BRIP1: variants seen among roughly 807,000 people sequenced by gnomAD.
BRIP1 encodes BRCA1 interacting DNA helicase 1, also known as Fanconi anemia group J protein.
BRIP1 carries 88 observed loss-of-function variants against 119.7 expected under a neutral mutation model. The observed-to-expected ratio is 0.74, with a 90% confidence interval of 0.62 to 0.88. The LOEUF (loss-of-function observed/expected upper bound fraction) is 0.88. BRIP1 is among the 40% of genes least tolerant of loss of function. The probability of loss-of-function intolerance (pLI) is 0.00; values close to 1 mark genes in which losing one functional copy is unlikely to be tolerated. For synonymous variants in BRIP1, 443 were observed against 496.5 expected (o/e 0.89, Z 1.43); for missense variants, 1,259 against 1,455.4 (o/e 0.87, Z 2.20).
chr17:61,681,235 C>T lies in BRIP1; in HGVS notation c.*2061G>A, dbSNP rs905091837. On this transcript the variant is annotated 3_prime_UTR_variant, in exon 20 of 20. Coordinates refer to ENST00000259008, the MANE Select transcript of BRIP1 (RefSeq NM_032043.3). This position sits in a 1 kb window ranked among gnomAD's most constrained non-coding sequence, Gnocchi z 5.1. Reference sequence around the variant, plus strand: ...GGACATAGCCAAACCACGTCACCATCGTTCCCTAAATGTAAATGAGTAAGA... The same window carrying T: ...GGACATAGCCAAACCACGTCACCATTGTTCCCTAAATGTAAATGAGTAAGA... The T allele has an allele frequency of 2.5e-5, 5 of 201,490 alleles. No homozygotes were observed. The highest frequency in any genetic ancestry group is 1.1e-4 in the African/African-American group (5 of 43,502). The allele number at this position is 201,490 out of a possible 1,614,324, so 12.5% of individuals were successfully genotyped here. A position where few individuals can be genotyped will look rare whatever the true frequency, so the allele number is the denominator to read the frequency against.
chr17:61,693,193 G>A lies in BRIP1; in HGVS notation c.2575+237C>T, dbSNP rs1460367929. On this transcript the variant is annotated intron_variant, in intron 18 of 19. Transcript: ENST00000259008. The surrounding 1 kb of genome is among the most constrained non-coding windows in gnomAD (Gnocchi z 4.2). Reference sequence around the variant, plus strand: ...TAATAGAAGCAGAAAGTATAGCGGTGGTTGTCAGTGGACAGGGGGGAGAGG... The same window carrying A: ...TAATAGAAGCAGAAAGTATAGCGGTAGTTGTCAGTGGACAGGGGGGAGAGG... 6.6e-6 allele frequency among the ~76,000 whole-genome samples: 1 copy of A among 152,124 alleles called. No homozygotes were observed. The highest frequency in any genetic ancestry group is 2.4e-5 in the African/African-American group (1 of 41,432).
rs1380130297 is a variant in BRIP1 at position 61,793,853 on chromosome 17, A to T, written c.1341-124T>A. The stretch of plus-strand genomic sequence containing the variant: ...TATATCTTGACATTCTTAGGACATG[A>T]ATGTGGATTAATTAAGACACCTTTT... On this transcript the variant is annotated intron_variant, in intron 9 of 19. Transcript: ENST00000259008. This position sits in a 1 kb window ranked among gnomAD's most constrained non-coding sequence, Gnocchi z 5.2. 4 of 959,756 alleles carry T rather than the reference A, an allele frequency of 4.2e-6. No homozygotes were observed. In the African/African-American group the frequency reaches 6.7e-5, roughly 16 times the overall value. The allele number at this position is 959,756 out of a possible 1,614,324, so 59.5% of individuals were successfully genotyped here. A position where few individuals can be genotyped will look rare whatever the true frequency, so the allele number is the denominator to read the frequency against.
chr17:61,747,887 C>T (rs549602262), intron 14 of BRIP1, among the ~76,000 whole-genome samples: 1 of 151,200 alleles, frequency 6.6e-6, no homozygotes, highest in African/African-American at 2.4e-5. Flanking sequence ...AGGCATGAGC[C>T]ACCATGCCCT....
chr17:61,763,445 G>A (rs1392322045), intron 14 of BRIP1, among the ~76,000 whole-genome samples: 1 of 152,082 alleles, frequency 6.6e-6, no homozygotes, highest in African/African-American at 2.4e-5. Flanking sequence ...GCTGCTATCT[G>A]TAGAATCTTT....
At chr17:61,819,986 T>C (rs778744708) in intron 6 of BRIP1, among the ~76,000 whole-genome samples, 1 of 151,610 alleles carries the variant, frequency 6.6e-6, no homozygotes, top group Non-Finnish European at 1.5e-5. Flanking sequence ...AAATGTCTCA[T>C]GTACTTCATA....
chr17:61,746,809 G>A lies in BRIP1; in HGVS notation c.2098-2218C>T, dbSNP rs763275869. ...CCAAACAGAAGATCAACAAGGAAACGGAACTTGAACAATACTAGAGACCAG... is the reference window on the plus strand; with the variant it reads ...CCAAACAGAAGATCAACAAGGAAACAGAACTTGAACAATACTAGAGACCAG... On this transcript the variant is annotated intron_variant, in intron 14 of 19. Coordinates refer to ENST00000259008, the MANE Select transcript of BRIP1 (RefSeq NM_032043.3). This position sits in a 1 kb window ranked among gnomAD's most constrained non-coding sequence, Gnocchi z 4.9. Among the ~76,000 whole-genome samples, 2 of 151,912 alleles carry A rather than the reference G, an allele frequency of 1.3e-5. No individual in the cohort carries two copies. The highest frequency in any genetic ancestry group is 2.9e-5 in the Non-Finnish European group (2 of 67,930).
At position 61,803,373 on chromosome 17, in the gene BRIP1, C is replaced by T. The variant is rs1291319563; in HGVS notation, c.919-1899G>A. On this transcript the variant is annotated intron_variant, in intron 7 of 19. Transcript: ENST00000259008. This position sits in a 1 kb window ranked among gnomAD's most constrained non-coding sequence, Gnocchi z 4.3. Reference sequence around the variant, plus strand: ...TGCTGGGGATTACAGGCATGAGCCACTGCACTCCACCCCATTCTATCACTG... The same window carrying T: ...TGCTGGGGATTACAGGCATGAGCCATTGCACTCCACCCCATTCTATCACTG... Among the ~76,000 whole-genome samples the T allele has an allele frequency of 2.6e-5, 4 of 152,182 alleles. No individual in the cohort carries two copies. Among genetic ancestry groups the T allele is most frequent in the Admixed American group, 6.5e-5 (1 of 15,282 alleles).
rs1238145274 is a variant in BRIP1, at chr17:61,859,983, AGAACAGC to A, written c.94-83_94-77del. On this transcript the variant is annotated intron_variant, in intron 2 of 19. Coordinates refer to ENST00000259008, the MANE Select transcript of BRIP1 (RefSeq NM_032043.3). Reference sequence around the variant, plus strand: ...GTCTCTCTCCATCTGAAGTTTAAATAGAACAGCAAGGAAAAGTGAGATTGCACTCCAG... The same window carrying A: ...GTCTCTCTCCATCTGAAGTTTAAATAAAGGAAAAGTGAGATTGCACTCCAG... 18 of 1,020,008 alleles carry A rather than the reference AGAACAGC, an allele frequency of 1.8e-5. No homozygotes were observed. In the African/African-American group the frequency reaches 2.7e-4, roughly 15 times the overall value. 63.2% of individuals were successfully genotyped at this position (1,020,008 alleles called of 1,614,324 possible).
Position 61,725,475 on chromosome 17 carries a change from C to T in BRIP1, c.2380-9412G>A, listed in dbSNP as rs1164677963. ...TTTAAGAAATAGAACAAAATATATC[C>T]CTCTGAAATCAGGTATCTCCTCTTC... On this transcript the variant is annotated intron_variant, in intron 16 of 19. Transcript: ENST00000259008. The surrounding 1 kb of genome is among the most constrained non-coding windows in gnomAD (Gnocchi z 5.3). Among the ~76,000 whole-genome samples the T allele has an allele frequency of 6.6e-6, 1 of 151,932 alleles. No individual in the cohort carries two copies. The highest frequency in any genetic ancestry group is 1.5e-5 in the Non-Finnish European group (1 of 67,980).
At position 61,705,506 on chromosome 17, in the gene BRIP1, G is replaced by A. The variant is rs142540192; in HGVS notation, c.2492+10445C>T. ...GGTAGCTCAACTCTTAGTTCAAGCA[G>A]CTTAATTTTCATTTCACTGATTTCA... On this transcript the variant is annotated intron_variant, in intron 17 of 19. Transcript: ENST00000259008. The surrounding 1 kb of genome is among the most constrained non-coding windows in gnomAD (Gnocchi z 5.0). 1.3e-5 allele frequency among the ~76,000 whole-genome samples: 2 copies of A among 152,190 alleles called. No homozygotes were observed. The highest frequency in any genetic ancestry group is 4.8e-5 in the African/African-American group (2 of 41,548).
chr17:61,859,488 T>C (rs960610702), intron 3 of BRIP1, among the ~76,000 whole-genome samples: 13 of 152,174 alleles, frequency 8.5e-5, no homozygotes, highest in Non-Finnish European at 1.0e-4. Context: ...TACATCACCA[T>C]GCCTGGCTAA....
chr17:61,746,150 TAAAAC>T lies in BRIP1; in HGVS notation c.2098-1564_2098-1560del, dbSNP rs749066933. On this transcript the variant is annotated intron_variant, in intron 14 of 19. Coordinates refer to ENST00000259008, the MANE Select transcript of BRIP1 (RefSeq NM_032043.3). The surrounding 1 kb of genome is among the most constrained non-coding windows in gnomAD (Gnocchi z 4.9). ...AGAAATAAACTTCTTAATAAGACTA[TAAAAC>T]AAAACATTAGTAAAATAGTTAACTG... Among the ~76,000 whole-genome samples the T allele has an allele frequency of 1.9e-4, 29 of 152,128 alleles. No homozygotes were observed. Among genetic ancestry groups the T allele is most frequent in the Non-Finnish European group, 3.7e-4 (25 of 67,976 alleles).
Position 61,803,651 on chromosome 17 carries a change from TA to T in BRIP1, c.919-2178del, listed in dbSNP as rs1285869959. ...AAAAAATACTCATTATGTGCATTAA[TA>T]AAAAAATAAAATGTTTGATAAAACC... is the stretch of plus-strand genomic sequence containing the variant. On this transcript the variant is annotated intron_variant, in intron 7 of 19. Transcript: ENST00000259008. The surrounding 1 kb of genome is among the most constrained non-coding windows in gnomAD (Gnocchi z 4.3). Among the ~76,000 whole-genome samples the T allele has an allele frequency of 5.3e-5, 8 of 152,020 alleles. No individual in the cohort carries two copies. The highest frequency in any genetic ancestry group is 7.4e-5 in the Non-Finnish European group (5 of 67,966).
rs2061471487 is a variant in BRIP1, at chr17:61,693,144, A to G, written c.2575+286T>C. Among the ~76,000 whole-genome samples, 1 of 152,222 alleles carries G rather than the reference A, an allele frequency of 6.6e-6. No individual in the cohort carries two copies. Among genetic ancestry groups the G allele is most frequent in the Non-Finnish European group, 1.5e-5 (1 of 68,030 alleles). On this transcript the variant is annotated intron_variant, in intron 18 of 19. Coordinates refer to ENST00000259008, the MANE Select transcript of BRIP1 (RefSeq NM_032043.3). This position sits in a 1 kb window ranked among gnomAD's most constrained non-coding sequence, Gnocchi z 4.2. The stretch of plus-strand genomic sequence containing the variant: ...ACAAATACTGCATAATTCAATTTAT[A>G]TGAGGTATCCAAAACAGTCAAACTA...
At chr17:61,788,621 G>A (rs952224195) in intron 10 of BRIP1, among the ~76,000 whole-genome samples, 4 of 152,046 alleles carry the variant, frequency 2.6e-5, no homozygotes, top group African/African-American at 9.7e-5. Flanking sequence ...AAACAGAATG[G>A]TGGAACACAA....
At chr17:61,772,161 ATATAT>A (rs2077459672) in intron 14 of BRIP1, among the ~76,000 whole-genome samples, 1 of 1,820 alleles carries the variant, frequency 5.5e-4, no homozygotes, top group African/African-American at 1.5e-3. Flanking sequence ...GTGAGATTAT[ATATAT>A]ATATATATAT....
Position 61,681,949 on chromosome 17 carries a change from T to G in BRIP1, c.*1347A>C, listed in dbSNP as rs1171832809. On this transcript the variant is annotated 3_prime_UTR_variant, in exon 20 of 20. Coordinates refer to ENST00000259008, the MANE Select transcript of BRIP1 (RefSeq NM_032043.3). This position sits in a 1 kb window ranked among gnomAD's most constrained non-coding sequence, Gnocchi z 5.1. The stretch of plus-strand genomic sequence containing the variant: ...CTCATAAAATTTCAATTCAAATTAC[T>G]CACAAAAAGTCCCAATGCCCAGTGA... The G allele has an allele frequency of 1.0e-5, 2 of 200,024 alleles. No homozygotes were observed. Among genetic ancestry groups the G allele is most frequent in the Non-Finnish European group, 2.1e-5 (2 of 97,098 alleles). 12.4% of individuals were successfully genotyped at this position (200,024 alleles called of 1,614,324 possible). A position where few individuals can be genotyped will look rare whatever the true frequency, so the allele number is the denominator to read the frequency against.
At chr17:61,698,950 C>G (rs2061569936) in intron 17 of BRIP1, among the ~76,000 whole-genome samples, 1 of 152,114 alleles carries the variant, frequency 6.6e-6, no homozygotes, top group Non-Finnish European at 1.5e-5. Context: ...CTCCTAAGCT[C>G]AAGCGATCTG....
In BRIP1 at chr17:61,701,645, GA is replaced by G. The variant is rs1442640484; in HGVS notation, c.2493-8134del. On this transcript the variant is annotated intron_variant, in intron 17 of 19. Transcript: ENST00000259008. This position sits in a 1 kb window ranked among gnomAD's most constrained non-coding sequence, Gnocchi z 5.1. ...TATGCATGGCCCACTAAAATCCCAG[GA>G]ATATGTCAGAACTTTAAAAGCTCTC... 6.6e-6 allele frequency among the ~76,000 whole-genome samples: 1 copy of G among 152,186 alleles called. No individual in the cohort carries two copies. The highest frequency in any genetic ancestry group is 2.4e-5 in the African/African-American group (1 of 41,440).
Sources: allele counts gnomAD v4.1 joint callset (sites outside exome capture counted in the v4.1 genomes callset), GRCh38; gene constraint gnomAD v4.1.1; non-coding constraint Gnocchi (gnomAD v3.1); transcripts MANE v1.5; gene names NCBI Gene and HGNC (gene_info 2026-07-23, HGNC 2026-07-21).